The following TTC6 variants were observed in gnomAD, a reference collection of about 807,000 sequenced individuals.
The protein encoded by TTC6 is tetratricopeptide repeat protein 6.
TTC6 carries 172 observed loss-of-function variants against 210.4 expected under a neutral mutation model. The ratio of observed to expected loss-of-function variants is 0.82; its 90% CI spans 0.72 to 0.93. The LOEUF is 0.93. Ranked by LOEUF, TTC6 falls within the 40% of genes least tolerant of loss-of-function variation. The probability of loss-of-function intolerance (pLI) is 0.00; values close to 1 mark genes in which losing one functional copy is unlikely to be tolerated. For missense variants in TTC6, 2,414 were observed against 2,318.1 expected (o/e 1.04, Z -0.85); for synonymous variants, 804 against 819.6 (o/e 0.98, Z 0.32).
chr14:37,751,245 AT>A lies in TTC6; in HGVS notation c.3129+22del, dbSNP rs1566930403. On this transcript the variant is annotated intron_variant, in intron 13 of 30. Coordinates refer to ENST00000553443, the Ensembl canonical transcript of TTC6. ...TCGAAAGTAAGCTTTATCACATATA[AT>A]TCTACCATTTATATAGTTTAGATTG... 6.6e-7 allele frequency: 1 copy of A among 1,505,560 alleles called. No individual in the cohort carries two copies. The highest frequency in any genetic ancestry group is 2.1e-5 in the Admixed American group (1 of 47,756). The allele number at this position is 1,505,560 out of a possible 1,614,324, so 93.3% of individuals were successfully genotyped here. A position where few individuals can be genotyped will look rare whatever the true frequency, so the allele number is the denominator to read the frequency against.
intron 2 of TTC6, among the ~76,000 whole-genome samples, chr14:37,612,834 T>C (rs911785612): frequency 6.6e-6 from 1 of 152,202 alleles, no homozygotes; most frequent in African/African-American, 2.4e-5. Context: ...TTGTTAACTG[T>C]GTATTGTGCA....
At chr14:37,654,308 C>A (rs1419491917) in intron 1 of TTC6, among the ~76,000 whole-genome samples, 1 of 152,100 alleles carries the variant, frequency 6.6e-6, no homozygotes, top group Non-Finnish European at 1.5e-5. Context: ...GGGATGGATA[C>A]CCCATTTTCC....
intron 29 of TTC6, among the ~76,000 whole-genome samples, chr14:37,831,996 C>T (rs751108568): frequency 2.0e-5 from 3 of 152,024 alleles, no homozygotes; most frequent in Non-Finnish European, 4.4e-5. Flanking sequence ...TTTTAACTCT[C>T]GAAAAATCTG....
chr14:37,831,727 C>A (rs1340429272), intron 29 of TTC6, among the ~76,000 whole-genome samples: 2 of 147,692 alleles, frequency 1.4e-5, no homozygotes, highest in Non-Finnish European at 1.5e-5. Context: ...TTTTATAGAT[C>A]TGTTGGCCGT....
intron 16 of TTC6, 50 bp from the exon 19 acceptor site, chr14:37,792,214 G>C (rs1160666461): frequency 1.3e-5 from 17 of 1,350,654 alleles, no homozygotes; most frequent in Non-Finnish European, 1.0e-6. Flanking sequence ...GAGAACATTT[G>C]GAATAATTAA....
chr14:37,687,029 C>T (rs1421231391), intron 3 of TTC6, among the ~76,000 whole-genome samples: 1 of 152,112 alleles, frequency 6.6e-6, no homozygotes, highest in Non-Finnish European at 1.5e-5. Flanking sequence ...CACAGTAAAC[C>T]AGGACACAGA....
intron 1 of TTC6, among the ~76,000 whole-genome samples, chr14:37,649,700 G>A (rs998258765): frequency 3.3e-5 from 5 of 152,180 alleles, no homozygotes; most frequent in Admixed American, 6.5e-5. Flanking sequence ...GGGTATGTGA[G>A]TTGGAGGGAA....
intron 26 of TTC6, 64 bp downstream of exon 28, chr14:37,817,715 C>G (rs2096145569): frequency 6.8e-7 from 1 of 1,471,442 alleles, no homozygotes; most frequent in African/African-American, 1.4e-5. Flanking sequence ...CTAATTATCA[C>G]CCCATAAACA....
intron 3 of TTC6, among the ~76,000 whole-genome samples, chr14:37,684,144 T>A (rs1012679132): frequency 7.2e-5 from 11 of 152,190 alleles, no homozygotes; most frequent in Non-Finnish European, 1.3e-4. Context: ...TATAAATCAA[T>A]CTCCAAGGCT....
exon 12 of TTC6, chr14:37,749,739 T>C: frequency 6.9e-7 from 1 of 1,447,762 alleles, no homozygotes. Flanking sequence ...CCATTGTTTC[T>C]CAATGCCTAT....
chr14:37,756,285 C>T (rs747095505), intron 14 of TTC6, among the ~76,000 whole-genome samples: 8 of 152,158 alleles, frequency 5.3e-5, no homozygotes, highest in Non-Finnish European at 1.2e-4. Context: ...ACAATCATGT[C>T]GTCTGCAAAC....
At position 37,714,799 on chromosome 14, in the gene TTC6, A is replaced by G. The variant is rs768852437; in HGVS notation, c.1713+3A>G. 31 of 1,531,392 alleles carry G rather than the reference A, an allele frequency of 2.0e-5. No homozygotes were observed. In the African/African-American group the frequency reaches 4.1e-4, roughly 20 times the overall value. 94.9% of individuals were successfully genotyped at this position (1,531,392 alleles called of 1,614,324 possible). A position where few individuals can be genotyped will look rare whatever the true frequency, so the allele number is the denominator to read the frequency against. Reference sequence around the variant, plus strand: ...ACTTGGAAGTCTTGGGAGAGGAAGTAAGAACTTTCTTTAATATTAGTTTTT... The same window carrying G: ...ACTTGGAAGTCTTGGGAGAGGAAGTGAGAACTTTCTTTAATATTAGTTTTT... On this transcript the variant is annotated splice_donor_region_variant and intron_variant, in intron 6 of 30. Coordinates refer to ENST00000553443, the Ensembl canonical transcript of TTC6.
intron 29 of TTC6, among the ~76,000 whole-genome samples, chr14:37,838,457 G>A (rs1002569225): frequency 6.6e-6 from 1 of 152,070 alleles, no homozygotes; most frequent in Non-Finnish European, 1.5e-5. Flanking sequence ...CTAACTTGAG[G>A]GTCCCTTTCA....
In TTC6 at chr14:37,651,411, ATATATATATATATATTTTTTTTTTT is replaced by A. The variant is rs1305852233; in HGVS notation, c.939+28410_939+28434del. Reference sequence around the variant, plus strand: ...GTTATATATATATATATATATATATATATATATATATATATTTTTTTTTTTTTTTTTTTTTTTTTTTTCCATCCAT... The same window carrying A: ...GTTATATATATATATATATATATATATTTTTTTTTTTTTTTTTCCATCCAT... On this transcript the variant is annotated intron_variant, in intron 1 of 30. Transcript: ENST00000553443. Among the ~76,000 whole-genome samples, 210 of 26,218 alleles carry A rather than the reference ATATATATATATATATTTTTTTTTTT, an allele frequency of 8.0e-3. 4 individuals carry two copies. The South Asian group carries it at 0.1, about 13-fold the overall frequency. The allele number at this position is 26,218 out of a possible 152,430, so 17.2% of individuals were successfully genotyped here.
At chr14:37,802,388 C>A (rs2096108724) in intron 20 of TTC6, 1 of 151,506 alleles carries the variant, frequency 6.6e-6, no homozygotes, top group African/African-American at 2.4e-5. Context: ...TACCCTGGTA[C>A]TTAAAATAAA....
chr14:37,826,154 T>C (rs528147975), intron 27 of TTC6, 41 bp from the exon 30 acceptor site: 2 of 1,563,100 alleles, frequency 1.3e-6, no homozygotes, highest in East Asian at 4.5e-5. Flanking sequence ...TGTCATGTTA[T>C]GGAGTATTTC....
chr14:37,785,634 T>C (rs1378284090), intron 14 of TTC6, among the ~76,000 whole-genome samples: 1 of 152,250 alleles, frequency 6.6e-6, no homozygotes, highest in Non-Finnish European at 1.5e-5. Flanking sequence ...CTCGTCGAAG[T>C]CATTCCTCAT....
At chr14:37,673,554 C>G (rs1015831291) in intron 1 of TTC6, among the ~76,000 whole-genome samples, 1 of 152,108 alleles carries the variant, frequency 6.6e-6, no homozygotes, top group African/African-American at 2.4e-5. Context: ...CAGCTGCTCT[C>G]TCTACTCCTC....
chr14:37,735,474 A>G (rs1241967213), intron 7 of TTC6, among the ~76,000 whole-genome samples: 1 of 152,186 alleles, frequency 6.6e-6, no homozygotes, highest in Non-Finnish European at 1.5e-5. Flanking sequence ...ATAGAATTCA[A>G]AGTATAAAGC....
Sources: allele counts gnomAD v4.1 joint callset (sites outside exome capture counted in the v4.1 genomes callset), GRCh38; gene constraint gnomAD v4.1.1; transcripts MANE v1.5; gene names NCBI Gene and HGNC (gene_info 2026-07-23, HGNC 2026-07-21).